Variants in GKAP1 observed in about 807,000 individuals in gnomAD.
GKAP1 encodes the protein G kinase-anchoring protein 1.
A neutral mutation model predicts 56.7 loss-of-function variants in GKAP1; 31 were observed. The ratio of observed to expected loss-of-function variants is 0.55; its 90% CI spans 0.41 to 0.74. The LOEUF is 0.74. Ranked by LOEUF, GKAP1 falls within the 30% of genes least tolerant of loss-of-function variation. The pLI, the probability that GKAP1 is intolerant of heterozygous loss-of-function variation, is 0.00. For synonymous variants in GKAP1, 151 were observed against 138.6 expected (o/e 1.09, Z -0.63); for missense variants, 364 against 402.3 (o/e 0.90, Z 0.82).
chr9:83,756,470 C>CAAAAAAAAAAGAAAA (rs1943477668), intron 8 of GKAP1, among the ~76,000 whole-genome samples: 1 of 75,442 alleles, frequency 1.3e-5, no homozygotes, highest in Non-Finnish European at 2.5e-5. Flanking sequence ...GACTCCATCT[C>CAAAAAAAAAAGAAAA]AAAAAAAAAA....
chr9:83,774,092 A>G (rs1050343412), intron 7 of GKAP1, among the ~76,000 whole-genome samples: 5 of 151,500 alleles, frequency 3.3e-5, no homozygotes, highest in Admixed American at 2.6e-4. Context: ...CTGGTCTCTG[A>G]CCTCCTGGCC....
At chr9:83,764,717 T>C (rs1943631979) in intron 8 of GKAP1, among the ~76,000 whole-genome samples, 1 of 152,174 alleles carries the variant, frequency 6.6e-6, no homozygotes, top group Admixed American at 6.5e-5. Context: ...AAGAACTTGT[T>C]GGGAACTGGA....
chr9:83,793,261 A>G (rs1329086071), intron 4 of GKAP1, among the ~76,000 whole-genome samples: 1 of 152,236 alleles, frequency 6.6e-6, no homozygotes, highest in Non-Finnish European at 1.5e-5. Context: ...TTACTATAAA[A>G]CAAAAGAGAT....
intron 4 of GKAP1, among the ~76,000 whole-genome samples, chr9:83,791,712 C>T (rs1944162808): frequency 6.6e-6 from 1 of 152,142 alleles, no homozygotes; most frequent in Non-Finnish European, 1.5e-5. Context: ...GGCTTTTGCC[C>T]TTGAAGAATT....
At chr9:83,798,345 C>T (rs142719852) in intron 4 of GKAP1, among the ~76,000 whole-genome samples, 1 of 152,216 alleles carries the variant, frequency 6.6e-6, no homozygotes, top group East Asian at 1.9e-4. Flanking sequence ...TCCTGGACTC[C>T]ACACACAAAA....
rs1390980876 is a variant in GKAP1 at position 83,799,342 on chromosome 9, A to C, written c.217-14T>G. On this transcript the variant is annotated splice_polypyrimidine_tract_variant and intron_variant, in intron 3 of 12. Transcript: ENST00000376371. ...AAGATTCCTGAGCTATAAAACAAAC[A>C]AAAAATATATTAAATTCAGTTTACC... 1.3e-6 allele frequency: 2 copies of C among 1,541,726 alleles called. No homozygotes were observed. The highest frequency in any genetic ancestry group is 2.8e-5 in the African/African-American group (2 of 70,750).
intron 5 of GKAP1, among the ~76,000 whole-genome samples, chr9:83,787,003 T>C (rs2131296588): frequency 6.6e-6 from 1 of 152,348 alleles, no homozygotes; most frequent in African/African-American, 2.4e-5. Context: ...CGGTGTAACC[T>C]GACAGTCCAT....
At chr9:83,811,893 A>G (rs1944509835) in intron 2 of GKAP1, among the ~76,000 whole-genome samples, 2 of 152,318 alleles carry the variant, frequency 1.3e-5, no homozygotes, top group South Asian at 4.1e-4. Flanking sequence ...TAAAAAAAAA[A>G]ATAGCCAACA....
Position 83,748,374 on chromosome 9 carries a change from TA to T in GKAP1, c.841-3del. On this transcript the variant is annotated splice_polypyrimidine_tract_variant and splice_region_variant and intron_variant, in intron 9 of 12. Transcript: ENST00000376371. ...TGCCTTTACTTCCTTATACTTTGCC[TA>T]ATAGTCAAAGAAAAAAGATTTAGTT... 6.5e-7 allele frequency: 1 copy of T among 1,528,862 alleles called. No homozygotes were observed. The highest frequency in any genetic ancestry group is 8.9e-7 in the Non-Finnish European group (1 of 1,125,366). 94.7% of individuals were successfully genotyped at this position (1,528,862 alleles called of 1,614,324 possible). A position where few individuals can be genotyped will look rare whatever the true frequency, so the allele number is the denominator to read the frequency against.
intron 9 of GKAP1, among the ~76,000 whole-genome samples, chr9:83,751,039 G>A (rs1218553773): frequency 6.6e-6 from 1 of 152,110 alleles, no homozygotes; most frequent in African/African-American, 2.4e-5. Context: ...GTTTCACCAT[G>A]TTAGCCAGGA....
chr9:83,812,416 C>T lies in GKAP1; in HGVS notation c.-44+4580G>A, dbSNP rs180828275. On this transcript the variant is annotated intron_variant, in intron 2 of 12. Transcript: ENST00000376371. ...CAAGGCTGGAGCAGTGGTGTGATCA[C>T]GGCTCACTGCAGCCTCAACTTCCTG... 2.0e-5 allele frequency among the ~76,000 whole-genome samples: 3 copies of T among 150,310 alleles called. No homozygotes were observed. The East Asian group carries it at 5.8e-4, about 29-fold the overall frequency.
intron 10 of GKAP1, among the ~76,000 whole-genome samples, chr9:83,746,868 CAATT>C (rs1184900783): frequency 6.6e-6 from 1 of 152,192 alleles, no homozygotes; most frequent in South Asian, 2.1e-4. Flanking sequence ...TTGTGATCCA[CAATT>C]GATTGATCCA....
chr9:83,780,992 T>G (rs775577606), intron 6 of GKAP1, among the ~76,000 whole-genome samples: 1 of 152,022 alleles, frequency 6.6e-6, no homozygotes, highest in Non-Finnish European at 1.5e-5. Flanking sequence ...ATGAAACAAA[T>G]TATTGGCTTA....
rs541826653 is a variant in GKAP1, at chr9:83,746,429, G to T, written c.904+1880C>A. Among the ~76,000 whole-genome samples the T allele has an allele frequency of 2.6e-5, 4 of 152,252 alleles. No homozygotes were observed. In the South Asian group the frequency reaches 8.3e-4, roughly 32 times the overall value. On this transcript the variant is annotated intron_variant, in intron 10 of 12. Coordinates refer to ENST00000376371, the MANE Select transcript of GKAP1 (RefSeq NM_025211.4). ...ATCATCTCTAGATTACTAGCTGGGCGTGGTGGCTCATGCCTGTAATCCCAA... is the reference window on the plus strand; with the variant it reads ...ATCATCTCTAGATTACTAGCTGGGCTTGGTGGCTCATGCCTGTAATCCCAA...
chr9:83,774,269 G>A (rs930998242), intron 7 of GKAP1, among the ~76,000 whole-genome samples: 2 of 152,046 alleles, frequency 1.3e-5, no homozygotes, highest in Admixed American at 1.3e-4. Flanking sequence ...TACCAATGGG[G>A]ACACTGGCCT....
intron 7 of GKAP1, among the ~76,000 whole-genome samples, chr9:83,774,593 CAA>C (rs536622445): frequency 9.1e-5 from 7 of 76,804 alleles, no homozygotes; most frequent in Middle Eastern, 0.01. Flanking sequence ...GACCCTGTCT[CAA>C]AAAAAAAAAA....
chr9:83,813,660 A>G (rs1010156734), intron 2 of GKAP1, among the ~76,000 whole-genome samples: 1 of 152,240 alleles, frequency 6.6e-6, no homozygotes, highest in African/African-American at 2.4e-5. Context: ...TTCACACGAT[A>G]ATTTTAAAAA....
intron 4 of GKAP1, among the ~76,000 whole-genome samples, chr9:83,791,031 T>C (rs987527266): frequency 4.6e-5 from 7 of 152,216 alleles, no homozygotes; most frequent in African/African-American, 1.7e-4. Context: ...TTAGATGTCA[T>C]TTTTATTTTT....
At chr9:83,811,549 A>T (rs775242874) in intron 2 of GKAP1, among the ~76,000 whole-genome samples, 1 of 152,200 alleles carries the variant, frequency 6.6e-6, no homozygotes, top group Non-Finnish European at 1.5e-5. Context: ...ACCAATGACA[A>T]ACACTCAAAA....
Sources: gnomAD v4.1 joint callset for allele counts (sites outside exome capture counted in the v4.1 genomes callset) on GRCh38, gnomAD v4.1.1 for gene constraint, MANE v1.5 for transcripts, NCBI Gene and HGNC (gene_info 2026-07-23, HGNC 2026-07-21) for gene names.